Variants in EIF4G3 observed in about 807,000 individuals in gnomAD.
The protein encoded by EIF4G3 is eukaryotic translation initiation factor 4 gamma 3, also known as eIF-4-gamma 3.
A neutral mutation model predicts 186.4 loss-of-function variants in EIF4G3; 34 were observed. The observed-to-expected ratio is 0.18, with a 90% CI of 0.14 to 0.24. The LOEUF is 0.24. Ranked by LOEUF, EIF4G3 falls within the 10% of genes least tolerant of loss-of-function variation. EIF4G3 has a pLI of 1.00. For synonymous variants in EIF4G3, 673 were observed against 679.5 expected (o/e 0.99, Z 0.15); for missense variants, 1,536 against 1,948.5 (o/e 0.79, Z 3.99).
intron 33 of EIF4G3, among the ~76,000 whole-genome samples, chr1:20,822,354 GCTTTT>G (rs1470416628): frequency 2.7e-5 from 3 of 109,780 alleles, no homozygotes; most frequent in Non-Finnish European, 5.4e-5. Context: ...CAAAGAACCA[GCTTTT>G]TTTTTTTTTT....
rs71585790 is a variant in EIF4G3 at position 20,868,090 on chromosome 1, C to CTTTTTTTCT, written c.2623-2829_2623-2828insAGAAAAAAA. Among the ~76,000 whole-genome samples the CTTTTTTTCT allele has an allele frequency of 5.6e-4, 51 of 90,416 alleles. 6 individuals carry two copies. Among genetic ancestry groups the CTTTTTTTCT allele is most frequent in the African/African-American group, 1.9e-3 (48 of 24,694 alleles). The allele number at this position is 90,416 out of a possible 152,430, so 59.3% of individuals were successfully genotyped here. A position where few individuals can be genotyped will look rare whatever the true frequency, so the allele number is the denominator to read the frequency against. On this transcript the variant is annotated intron_variant, in intron 20 of 36. Coordinates refer to ENST00000602326, the MANE Select transcript of EIF4G3 (RefSeq NM_001391906.1). The stretch of plus-strand genomic sequence containing the variant: ...GAGAATAGTGATTCATGGTGATTTT[C>CTTTTTTTCT]TTTTTTTTTTTTTTTTGTCCTTAGG...
chr1:20,882,235 C>G (rs2082614131), intron 19 of EIF4G3, among the ~76,000 whole-genome samples: 1 of 149,372 alleles, frequency 6.7e-6, no homozygotes, highest in Admixed American at 6.7e-5. Flanking sequence ...ATTGGATAAG[C>G]TACAGGAGCT....
chr1:20,999,184 T>C (rs1175939217), intron 6 of EIF4G3, among the ~76,000 whole-genome samples: 2 of 152,216 alleles, frequency 1.3e-5, no homozygotes, highest in Admixed American at 1.3e-4. Flanking sequence ...ATTAATGACC[T>C]ACAAGCTTGG....
intron 3 of EIF4G3, among the ~76,000 whole-genome samples, chr1:21,070,762 G>C (rs1340642151): frequency 6.6e-6 from 1 of 152,146 alleles, no homozygotes. Flanking sequence ...GGCAGTTTTA[G>C]AATATCAAAG....
Position 20,942,307 on chromosome 1 carries a change from C to T in EIF4G3, c.847G>A (p.Val283Met), listed in dbSNP as rs2095748122. 1.9e-6 allele frequency: 3 copies of T among 1,584,208 alleles called. No individual in the cohort carries two copies. Among genetic ancestry groups the T allele is most frequent in the African/African-American group, 2.7e-5 (2 of 73,326 alleles). ...AGGACTGGGGAAGGAGACTTTAACACTGGATCTGGTTTTGGCTTCTCCTCT... is the reference window on the plus strand; with the variant it reads ...AGGACTGGGGAAGGAGACTTTAACATTGGATCTGGTTTTGGCTTCTCCTCT... ...KQEEKPKPDPVLKSPSPVLRL... is the reference protein window; with the variant it reads ...KQEEKPKPDPMLKSPSPVLRL... The change falls in exon 14 of 37, where the codon GTG becomes ATG. Residue 283 changes from valine (V) to methionine (M), a missense_variant. Physicochemically the swap from Val to Met is conservative, Grantham distance 21. Coordinates refer to ENST00000602326, the MANE Select transcript of EIF4G3 (RefSeq NM_001391906.1).
chr1:20,904,931 T>G lies in EIF4G3; in HGVS notation c.1704A>C (p.Pro568=). Reference sequence around the variant, plus strand: ...CTTCAGTGGTTCGGGTCCGATCTTTTGGTTTCTTCCATGTCTTTGGTACAG... The same window carrying G: ...CTTCAGTGGTTCGGGTCCGATCTTTGGGTTTCTTCCATGTCTTTGGTACAG... ...AITVPKTWKK[P]KDRTRTTEEM... Residue 568 remains proline (P), a synonymous_variant, in exon 15 of 37, where the codon CCA becomes CCC. Transcript: ENST00000602326. 1 of 1,614,064 alleles carries G rather than the reference T, an allele frequency of 6.2e-7. No homozygotes were observed. Among genetic ancestry groups the G allele is most frequent in the Non-Finnish European group, 8.5e-7 (1 of 1,179,988 alleles).
chr1:21,165,336 T>C (rs191549042), intron 2 of EIF4G3, among the ~76,000 whole-genome samples: 7 of 152,334 alleles, frequency 4.6e-5, no homozygotes, highest in Non-Finnish European at 8.8e-5. Flanking sequence ...CCAAGGTATA[T>C]ACTCAAGAGA....
In EIF4G3 at chr1:21,176,183, C is replaced by A. The variant is rs781428634; in HGVS notation, c.-280G>T. ...GAAGGTGAAAAGGATACTGTTGGGG[C>A]GCCTGAGTCTGGAGGGCCCTGATGT... On this transcript the variant is annotated 5_prime_UTR_variant, in exon 2 of 37. Coordinates refer to ENST00000602326, the MANE Select transcript of EIF4G3 (RefSeq NM_001391906.1). The A allele has an allele frequency of 2.2e-5, 9 of 415,608 alleles. No homozygotes were observed. In the South Asian group the frequency reaches 5.5e-4, roughly 25 times the overall value. The allele number at this position is 415,608 out of a possible 1,614,324, so 25.7% of individuals were successfully genotyped here.
At chr1:21,064,114 AG>A (rs751030749) in intron 3 of EIF4G3, among the ~76,000 whole-genome samples, 2 of 152,186 alleles carry the variant, frequency 1.3e-5, no homozygotes, top group Non-Finnish European at 2.9e-5. Context: ...GGAACTTGGC[AG>A]TGAGGTATCC....
At chr1:20,885,358 C>G (rs2083776256) in intron 19 of EIF4G3, among the ~76,000 whole-genome samples, 1 of 152,220 alleles carries the variant, frequency 6.6e-6, no homozygotes, top group Admixed American at 6.5e-5. Flanking sequence ...CCCTATGAGG[C>G]ACTCAATGTT....
chr1:21,029,040 G>A (rs762256979), intron 4 of EIF4G3, among the ~76,000 whole-genome samples: 8 of 152,050 alleles, frequency 5.3e-5, no homozygotes, highest in Non-Finnish European at 1.0e-4. Flanking sequence ...GAGCCAATGC[G>A]CCTGGCCCAA....
chr1:20,948,832 A>G (rs1230531951), intron 13 of EIF4G3, among the ~76,000 whole-genome samples: 2 of 151,798 alleles, frequency 1.3e-5, no homozygotes, highest in East Asian at 3.9e-4. Context: ...AACATGGTGA[A>G]ACCCCGTCTA....
chr1:21,073,443 AATC>A (rs2095499999), intron 3 of EIF4G3, among the ~76,000 whole-genome samples: 1 of 152,212 alleles, frequency 6.6e-6, no homozygotes, highest in Middle Eastern at 3.2e-3. Flanking sequence ...CTGAGCCACC[AATC>A]ATCAGGAGGC....
intron 14 of EIF4G3, among the ~76,000 whole-genome samples, chr1:20,916,082 TA>T (rs981712472): frequency 1.3e-5 from 2 of 151,912 alleles, no homozygotes; most frequent in Middle Eastern, 3.2e-3. Context: ...AAAATTGAAA[TA>T]AAAAATACCA....
intron 4 of EIF4G3, among the ~76,000 whole-genome samples, chr1:21,032,642 G>T (rs1186151574): frequency 6.6e-6 from 1 of 151,870 alleles, no homozygotes; most frequent in African/African-American, 2.4e-5. Context: ...CATTATTTCA[G>T]GTTATGTTCT....
chr1:21,141,803 G>A (rs1296484867), intron 2 of EIF4G3, among the ~76,000 whole-genome samples: 2 of 151,796 alleles, frequency 1.3e-5, no homozygotes, highest in Non-Finnish European at 2.9e-5. Context: ...TGGTAGTGTG[G>A]GCCTGTAGTC....
intron 12 of EIF4G3, among the ~76,000 whole-genome samples, chr1:20,965,762 G>T (rs887597984): frequency 1.1e-5 from 1 of 93,244 alleles, no homozygotes; most frequent in Non-Finnish European, 2.6e-5. Flanking sequence ...AATAATAATT[G>T]TAATATTAGT....
intron 30 of EIF4G3, among the ~76,000 whole-genome samples, chr1:20,829,860 C>A (rs2064647215): frequency 6.6e-6 from 1 of 152,146 alleles, no homozygotes; most frequent in Non-Finnish European, 1.5e-5. Context: ...TGGTTTCAGG[C>A]TTTTGTGCTA....
chr1:20,865,340 T>C, intron 20 of EIF4G3, 78 bp from the exon 21 acceptor site: 1 of 1,520,580 alleles, frequency 6.6e-7, no homozygotes, highest in Admixed American at 1.9e-5. Context: ...CTTTATTGTA[T>C]GAAATAATGC....
Sources: gnomAD v4.1 joint callset for allele counts (sites outside exome capture counted in the v4.1 genomes callset) on GRCh38, gnomAD v4.1.1 for gene constraint, MANE v1.5 for transcripts, NCBI Gene and HGNC (gene_info 2026-07-23, HGNC 2026-07-21) for gene names.